Variants in RHCE observed in about 807,000 individuals in gnomAD.
The protein encoded by RHCE is blood group Rh(CE) polypeptide.
Under a neutral mutation model 43.8 loss-of-function variants are expected in RHCE, and 22 were observed. That is an observed-to-expected ratio of 0.50 (90% confidence interval 0.36 to 0.72). The LOEUF is 0.72. RHCE is among the 30% of genes least tolerant of loss of function. The probability of loss-of-function intolerance (pLI) is 0.00; values close to 1 mark genes in which losing one functional copy is unlikely to be tolerated. For missense variants in RHCE, 385 were observed against 525.4 expected (o/e 0.73, Z 2.61); for synonymous variants, 156 against 210.7 (o/e 0.74, Z 2.25).
At chr1:25,378,338 G>C (rs1040842370) in intron 7 of RHCE, among the ~76,000 whole-genome samples, 8 of 152,164 alleles carry the variant, frequency 5.3e-5, no homozygotes, top group Admixed American at 4.6e-4. Context: ...GTGCATTCGT[G>C]TGCTCCAAAA....
At position 25,420,125 on chromosome 1, in the gene RHCE, T is replaced by C. The variant is rs138287434; in HGVS notation, c.148+514A>G. On this transcript the variant is annotated intron_variant, in intron 1 of 9. Coordinates refer to ENST00000294413, the MANE Select transcript of RHCE (RefSeq NM_020485.8). ...TGAGACTAGGAGGTCAAGGCTGCAG[T>C]GAACCATGATCATGCCACTGCACTT... Among the ~76,000 whole-genome samples the C allele has an allele frequency of 9.2e-3, 1,393 of 151,612 alleles. 19 individuals are homozygous for C. The highest frequency in any genetic ancestry group is 0.031 in the African/African-American group (1,279 of 41,166).
At chr1:25,393,724 C>G (rs919951596) in intron 3 of RHCE, among the ~76,000 whole-genome samples, 3 of 151,980 alleles carry the variant, frequency 2.0e-5, no homozygotes, top group African/African-American at 7.3e-5. Context: ...GTTCTTGCCA[C>G]GACCCTGCAG....
intron 1 of RHCE, among the ~76,000 whole-genome samples, chr1:25,414,049 C>T (rs558201503): frequency 2.0e-5 from 3 of 152,168 alleles, no homozygotes; most frequent in East Asian, 3.9e-4. Flanking sequence ...GCATTGAGCT[C>T]GCTGGCTCAT....
chr1:25,388,322 T>G (rs928352615), intron 6 of RHCE, among the ~76,000 whole-genome samples: 2 of 128,202 alleles, frequency 1.6e-5, no homozygotes, highest in African/African-American at 3.0e-5. Context: ...TGGAGAAAGA[T>G]CCATCCACTT....
At chr1:25,394,813 G>A (rs1265120955) in intron 3 of RHCE, among the ~76,000 whole-genome samples, 1 of 152,162 alleles carries the variant, frequency 6.6e-6, no homozygotes, top group Non-Finnish European at 1.5e-5. Flanking sequence ...CACCAGGAAG[G>A]ACTTCAGAAA....
chr1:25,411,092 A>T (rs1647060200), intron 1 of RHCE, among the ~76,000 whole-genome samples: 1 of 151,374 alleles, frequency 6.6e-6, no homozygotes, highest in Non-Finnish European at 1.5e-5. Flanking sequence ...ACTCTGTCTC[A>T]AAATAAATAA....
At chr1:25,424,529 A>G (rs1423000855), upstream of RHCE, among the ~76,000 whole-genome samples, 1 of 152,040 alleles carries the variant, frequency 6.6e-6, no homozygotes, top group Non-Finnish European at 1.5e-5. Context: ...CTGGGATTAT[A>G]GGCACGCGAT....
At chr1:25,422,757 A>C (rs1450323717), upstream of RHCE, among the ~76,000 whole-genome samples, 6 of 152,262 alleles carry the variant, frequency 3.9e-5, no homozygotes. Flanking sequence ...GGTTTTGTAG[A>C]AGACAATTTT....
chr1:25,372,028 G>A (rs2124313212), intron 8 of RHCE, among the ~76,000 whole-genome samples: 1 of 151,512 alleles, frequency 6.6e-6, no homozygotes, highest in South Asian at 2.1e-4. Context: ...TCATCACTGA[G>A]GAATATCTGT....
At chr1:25,393,659 C>T (rs1227206813) in intron 3 of RHCE, among the ~76,000 whole-genome samples, 4 of 151,882 alleles carry the variant, frequency 2.6e-5, no homozygotes, top group Admixed American at 6.6e-5. Context: ...GATCATGTTA[C>T]TCCTCTGCTC....
At chr1:25,392,817 C>T (rs1646420919) in intron 3 of RHCE, among the ~76,000 whole-genome samples, 1 of 151,904 alleles carries the variant, frequency 6.6e-6, no homozygotes, top group Admixed American at 6.6e-5. Flanking sequence ...GAGATCCTTC[C>T]CTCCCAAAGT....
chr1:25,391,491 C>T (rs149097664), intron 4 of RHCE, among the ~76,000 whole-genome samples: 1,884 of 149,130 alleles, frequency 0.013, 121 homozygotes, highest in Admixed American at 0.11. Flanking sequence ...CTGGCCCAAA[C>T]GCTTATTTTT....
chr1:25,390,940 C>G (rs1280774227), intron 4 of RHCE, 25 bp from the exon 5 acceptor site: 9 of 1,614,010 alleles, frequency 5.6e-6, no homozygotes, highest in Non-Finnish European at 7.6e-6. Flanking sequence ...GGGTGGTTGG[C>G]CAGAATCACA....
At position 25,410,688 on chromosome 1, in the gene RHCE, C is replaced by T. The variant is rs1030256874; in HGVS notation, c.149-1819G>A. ...GTGCTGGGATTACAGGCATGAGCCA[C>T]CGTGCCCAGCCTAGACAATGTTTTT... On this transcript the variant is annotated intron_variant, in intron 1 of 9. Transcript: ENST00000294413. Among the ~76,000 whole-genome samples, 102 of 152,218 alleles carry T rather than the reference C, an allele frequency of 6.7e-4. 1 individual carries two copies. Among genetic ancestry groups the T allele is most frequent in the African/African-American group, 2.1e-3 (88 of 41,498 alleles).
intron 7 of RHCE, among the ~76,000 whole-genome samples, chr1:25,376,839 A>G (rs533642284): frequency 3.3e-5 from 5 of 152,154 alleles, no homozygotes; most frequent in South Asian, 2.1e-4. Flanking sequence ...GTGTGAACCC[A>G]GGAGGTGGAG....
chr1:25,407,813 A>G lies in RHCE; in HGVS notation c.335+870T>C, dbSNP rs532329273. Among the ~76,000 whole-genome samples, 7 of 123,578 alleles carry G rather than the reference A, an allele frequency of 5.7e-5. 1 individual carries two copies. Among genetic ancestry groups the G allele is most frequent in the African/African-American group, 1.8e-4 (7 of 39,992 alleles). The allele number at this position is 123,578 out of a possible 152,430, so 81.1% of individuals were successfully genotyped here. On this transcript the variant is annotated intron_variant, in intron 2 of 9. Transcript: ENST00000294413. ...GCTATTTTGTGTTCCTTCCTAATCA[A>G]TATCCACCTCCTGCCCAGGTAACCA...
chr1:25,404,327 C>G (rs1445260304), intron 2 of RHCE, among the ~76,000 whole-genome samples: 1 of 146,308 alleles, frequency 6.8e-6, no homozygotes, highest in Non-Finnish European at 1.5e-5. Context: ...TCCAGCTGGC[C>G]TAGATCCAAA....
intron 1 of RHCE, among the ~76,000 whole-genome samples, chr1:25,412,721 A>T (rs1647126374): frequency 6.8e-6 from 1 of 147,754 alleles, no homozygotes; most frequent in Non-Finnish European, 1.5e-5. Flanking sequence ...TTTTTAAAAA[A>T]AAAAAAAAAA....
intron 2 of RHCE, among the ~76,000 whole-genome samples, chr1:25,407,290 G>A (rs1571905144): frequency 8.1e-6 from 1 of 122,786 alleles, no homozygotes; most frequent in Non-Finnish European, 1.9e-5. Flanking sequence ...GAGCTGGCTA[G>A]ACTGTGTTTC....
Sources: gnomAD v4.1 joint callset for allele counts (sites outside exome capture counted in the v4.1 genomes callset) on GRCh38, gnomAD v4.1.1 for gene constraint, MANE v1.5 for transcripts, NCBI Gene and HGNC (gene_info 2026-07-23, HGNC 2026-07-21) for gene names.